GIGYF2: variants seen among roughly 807,000 people sequenced by gnomAD.
GIGYF2 encodes GRB10-interacting GYF protein 2.
GIGYF2 carries 25 observed loss-of-function variants against 208.1 expected under a neutral mutation model. That is an observed-to-expected ratio of 0.12 (90% CI 0.09 to 0.17). The LOEUF is 0.17. GIGYF2 is among the 10% of genes least tolerant of loss of function. GIGYF2 has a pLI of 1.00. For synonymous variants in GIGYF2, 534 were observed against 543.8 expected (o/e 0.98, Z 0.25); for missense variants, 1,302 against 1,579.4 (o/e 0.82, Z 2.98).
chr2:232,776,080 TG>T (rs55928132), intron 8 of GIGYF2, among the ~76,000 whole-genome samples: 28,493 of 152,042 alleles, frequency 0.19, 2,889 homozygotes, highest in Non-Finnish European at 0.22. Flanking sequence ...TTTTGGCATT[TG>T]TTTTTTTATG....
intron 20 of GIGYF2, among the ~76,000 whole-genome samples, chr2:232,819,253 A>G (rs1442938311): frequency 2.0e-5 from 3 of 152,248 alleles, no homozygotes; most frequent in Non-Finnish European, 2.9e-5. Flanking sequence ...GCAGTAAAAA[A>G]GTATGTTTAG....
At chr2:232,817,278 AGATTTCAGAAGT>A (rs1246251434) in intron 20 of GIGYF2, among the ~76,000 whole-genome samples, 2 of 152,240 alleles carry the variant, frequency 1.3e-5, no homozygotes, top group African/African-American at 4.8e-5. Context: ...TAAACCAGTT[AGATTTCAGAAGT>A]TCTGTCCTTG....
At chr2:232,763,204 A>G (rs1468496530) in intron 8 of GIGYF2, among the ~76,000 whole-genome samples, 3 of 152,096 alleles carry the variant, frequency 2.0e-5, no homozygotes, top group African/African-American at 7.2e-5. Flanking sequence ...GAGGGGATGA[A>G]CAGTAGTTTA....
At chr2:232,791,592 C>A in intron 12 of GIGYF2, 146 bp downstream of exon 12, 1 of 752,186 alleles carries the variant, frequency 1.3e-6, no homozygotes, top group Non-Finnish European at 2.3e-6. Context: ...TAAACCCAGT[C>A]AAACAGTGCT....
chr2:232,817,069 T>G, intron 20 of GIGYF2, 37 bp downstream of exon 20: 1 of 1,460,922 alleles, frequency 6.8e-7, no homozygotes, highest in East Asian at 2.3e-5. Flanking sequence ...GGATTAGTGC[T>G]TGATGAGGGC....
intron 22 of GIGYF2, among the ~76,000 whole-genome samples, chr2:232,835,316 A>T (rs1248876041): frequency 4.6e-5 from 7 of 152,046 alleles, no homozygotes; most frequent in Non-Finnish European, 1.0e-4. Context: ...AAAAAATATC[A>T]TCTATCTCTT....
At chr2:232,794,717 A>C (rs1700171853) in intron 12 of GIGYF2, 31 bp from the exon 13 acceptor site, 1 of 1,569,516 alleles carries the variant, frequency 6.4e-7, no homozygotes, top group South Asian at 1.1e-5. Context: ...TCTGTATTTC[A>C]AAGGATTTTC....
intron 22 of GIGYF2, among the ~76,000 whole-genome samples, chr2:232,836,326 A>T (rs1559160693): frequency 3.9e-4 from 11 of 27,968 alleles, no homozygotes; most frequent in African/African-American, 1.3e-3. Flanking sequence ...ATATATATAT[A>T]TATACATATA....
chr2:232,836,365 TAA>T (rs1701630839), intron 22 of GIGYF2, among the ~76,000 whole-genome samples: 3 of 66,160 alleles, frequency 4.5e-5, no homozygotes, highest in African/African-American at 1.3e-4. Flanking sequence ...TATATAAATA[TAA>T]ATATATATAA....
chr2:232,718,083 TTTGTTG>T (rs902767342), intron 2 of GIGYF2, among the ~76,000 whole-genome samples: 1 of 151,948 alleles, frequency 6.6e-6, no homozygotes, highest in African/African-American at 2.4e-5. Context: ...AGTAATTTTT[TTTGTTG>T]TTGTTGTTTG....
At chr2:232,842,225 C>T (rs1430683848) in intron 23 of GIGYF2, among the ~76,000 whole-genome samples, 2 of 152,072 alleles carry the variant, frequency 1.3e-5, no homozygotes, top group African/African-American at 2.4e-5. Flanking sequence ...GGGTCTTGCT[C>T]TGTCACCCAG....
chr2:232,716,526 T>A (rs1267088128), intron 2 of GIGYF2, among the ~76,000 whole-genome samples: 1 of 151,868 alleles, frequency 6.6e-6, no homozygotes, highest in African/African-American at 2.4e-5. Flanking sequence ...ATTGCAGGCA[T>A]GTGCCACCAC....
intron 8 of GIGYF2, among the ~76,000 whole-genome samples, chr2:232,786,736 TTTA>T (rs1262611507): frequency 2.0e-5 from 3 of 152,110 alleles, no homozygotes; most frequent in Non-Finnish European, 4.4e-5. Context: ...CAAAACAACA[TTTA>T]TAACATCCTG....
intron 2 of GIGYF2, among the ~76,000 whole-genome samples, chr2:232,709,693 C>T (rs1452413530): frequency 6.6e-6 from 1 of 151,858 alleles, no homozygotes; most frequent in African/African-American, 2.4e-5. Context: ...CCTATAATCC[C>T]AGCTACTTGG....
intron 22 of GIGYF2, among the ~76,000 whole-genome samples, chr2:232,837,831 A>C (rs901180068): frequency 2.0e-5 from 3 of 152,210 alleles, no homozygotes; most frequent in African/African-American, 4.8e-5. Flanking sequence ...GCAGCTCCTC[A>C]TGCTGTCATT....
At chr2:232,709,954 A>T (rs943401993) in intron 2 of GIGYF2, among the ~76,000 whole-genome samples, 1 of 151,524 alleles carries the variant, frequency 6.6e-6, no homozygotes, top group African/African-American at 2.4e-5. Context: ...TTACAAAGTT[A>T]TATATTTATT....
intron 2 of GIGYF2, chr2:232,730,220 C>G (rs560364081): frequency 8.6e-7 from 1 of 1,161,404 alleles, no homozygotes; most frequent in Non-Finnish European, 1.3e-6. Context: ...TACCTGAGAG[C>G]TGAGGAGCAG....
At chr2:232,699,694 A>G (rs1274977876) in intron 1 of GIGYF2, among the ~76,000 whole-genome samples, 2 of 152,238 alleles carry the variant, frequency 1.3e-5, no homozygotes, top group Non-Finnish European at 2.9e-5. Flanking sequence ...TAGGGAAATT[A>G]GAAATTTTCC....
intron 5 of GIGYF2, among the ~76,000 whole-genome samples, chr2:232,752,172 T>C (rs981769003): frequency 6.6e-6 from 1 of 152,218 alleles, no homozygotes; most frequent in Non-Finnish European, 1.5e-5. Context: ...TATGTTGGAA[T>C]AGGACAGTGC....
Sources: allele counts gnomAD v4.1 joint callset (sites outside exome capture counted in the v4.1 genomes callset), GRCh38; gene constraint gnomAD v4.1.1; transcripts MANE v1.5; gene names NCBI Gene and HGNC (gene_info 2026-07-23, HGNC 2026-07-21).